ROPN1L: variants seen among roughly 807,000 people sequenced by gnomAD.
ROPN1L encodes rhophilin associated tail protein 1 like, also known as ropporin-1-like protein.
In ROPN1L, 23 loss-of-function variants were observed where a neutral mutation model predicts 22.7. The observed-to-expected ratio is 1.01, with a 90% confidence interval of 0.73 to 1.43. The LOEUF (loss-of-function observed/expected upper bound fraction) is 1.43. Ranked by LOEUF, ROPN1L falls within the 40% of genes most tolerant of loss-of-function variation. The pLI, the probability that ROPN1L is intolerant of heterozygous loss-of-function variation, is 0.00. For missense variants in ROPN1L, 271 were observed against 291.5 expected, an observed-to-expected ratio of 0.93 and a Z score of 0.51; for synonymous variants, 116 against 117.8, an observed-to-expected ratio of 0.98 and a Z score of 0.10.
intron 3 of ROPN1L, among the ~76,000 whole-genome samples, chr5:10,451,884 T>C (rs544551737): frequency 6.6e-6 from 1 of 152,316 alleles, no homozygotes; most frequent in South Asian, 2.1e-4. Flanking sequence ...CTTTTAATTA[T>C]TGGAGACATT....
At chr5:10,455,435 C>CA (rs1292372652) in intron 3 of ROPN1L, among the ~76,000 whole-genome samples, 42 of 152,300 alleles carry the variant, frequency 2.8e-4, no homozygotes, top group Admixed American at 1.2e-3. Context: ...TCCCTGAAGA[C>CA]GAAGGAGCCG....
chr5:10,455,353 G>T (rs115886553), intron 3 of ROPN1L, among the ~76,000 whole-genome samples: 1 of 152,202 alleles, frequency 6.6e-6, no homozygotes. Context: ...CCTGCAGCCC[G>T]TGAGAAGAAG....
At position 10,453,971 on chromosome 5, in the gene ROPN1L, A is replaced by G. The variant is rs550602918; in HGVS notation, c.417+3858A>G. Among the ~76,000 whole-genome samples, 431 of 152,304 alleles carry G rather than the reference A, an allele frequency of 2.8e-3. 1 individual carries two copies. The highest frequency in any genetic ancestry group is 0.014 in the Middle Eastern group (4 of 294). On this transcript the variant is annotated intron_variant, in intron 3 of 4. Coordinates refer to ENST00000274134, the MANE Select transcript of ROPN1L (RefSeq NM_031916.5). ...TGCTCTACTTATTACATCAAAAGCT[A>G]TCAATTCAGGTTAAGGGGCACTGTG...
chr5:10,459,831 G>A (rs946605057), intron 3 of ROPN1L, among the ~76,000 whole-genome samples: 1 of 152,202 alleles, frequency 6.6e-6, no homozygotes, highest in Non-Finnish European at 1.5e-5. Context: ...CCACTTGACT[G>A]TGATCTCCAC....
At chr5:10,479,893 C>A in the ROPN1L span, among the ~76,000 whole-genome samples, 1 of 152,060 alleles carries the variant, frequency 6.6e-6, no homozygotes, top group African/African-American at 2.4e-5. Flanking sequence ...TACAGGCATG[C>A]GCCACCACGC....
intron 1 of ROPN1L, among the ~76,000 whole-genome samples, chr5:10,445,165 T>G (rs756309566): frequency 2.7e-4 from 41 of 151,764 alleles, no homozygotes; most frequent in Non-Finnish European, 4.7e-4. Context: ...GAGACGGGGG[T>G]TTCACCATGT....
At position 10,459,345 on chromosome 5, in the gene ROPN1L, T is replaced by C. The variant is rs371024043; in HGVS notation, c.418-1839T>C. Among the ~76,000 whole-genome samples the C allele has an allele frequency of 9.1e-4, 133 of 146,592 alleles. 1 individual carries two copies. Among genetic ancestry groups the C allele is most frequent in the African/African-American group, 2.2e-3 (81 of 37,388 alleles). ...CCTTCCACCCTCATCACTGGGTTCC[T>C]GCCTTCCACCCTCATCACTGGGTTC... On this transcript the variant is annotated intron_variant, in intron 3 of 4. Coordinates refer to ENST00000274134, the MANE Select transcript of ROPN1L (RefSeq NM_031916.5).
intron 3 of ROPN1L, among the ~76,000 whole-genome samples, chr5:10,454,698 G>A (rs1037267159): frequency 2.6e-5 from 4 of 152,212 alleles, no homozygotes; most frequent in Non-Finnish European, 4.4e-5. Flanking sequence ...AGATGCACAC[G>A]TGTCTAACGC....
chr5:10,456,168 G>C (rs1741416153), intron 3 of ROPN1L, among the ~76,000 whole-genome samples: 1 of 152,220 alleles, frequency 6.6e-6, no homozygotes, highest in Non-Finnish European at 1.5e-5. Flanking sequence ...TCAGATTATG[G>C]ATCAGGTGTA....
Position 10,464,863 on chromosome 5 carries a change from C to T in ROPN1L, c.609C>T (p.Asn203=), listed in dbSNP as rs758399356. ...SLKENIDARK[N]GMIGLSDFFF... is the part of the protein sequence containing the mutation. Reference sequence around the variant, plus strand: ...TCCAATTTAGAGACGCCAGGAAGAACGGCATGATAGGTCTTTCAGATTTCT... The same window carrying T: ...TCCAATTTAGAGACGCCAGGAAGAATGGCATGATAGGTCTTTCAGATTTCT... Residue 203 remains asparagine, a synonymous_variant, in exon 5 of 5, where the codon AAC becomes AAT. Transcript: ENST00000274134. The T allele has an allele frequency of 1.1e-5, 17 of 1,597,800 alleles. No individual in the cohort carries two copies. The highest frequency in any genetic ancestry group is 9.0e-5 in the East Asian group (4 of 44,624).
intron 3 of ROPN1L, among the ~76,000 whole-genome samples, chr5:10,459,305 C>A (rs151062274): frequency 1.4e-4 from 21 of 146,472 alleles, no homozygotes; most frequent in African/African-American, 5.7e-4. Context: ...TTCCACCCTC[C>A]TCACCGGGTT....
In ROPN1L at chr5:10,461,240, C is replaced by T. The variant is rs539286998; in HGVS notation, c.474C>T (p.Gly158=). 3.5e-5 allele frequency: 56 copies of T among 1,614,102 alleles called. No individual in the cohort carries two copies. The highest frequency in any genetic ancestry group is 1.7e-4 in the Admixed American group (10 of 60,024). The part of the protein sequence containing the change: ...LCEILTDDPE[G]GPARIPFKTF... ...AGATCCTCACGGACGATCCGGAGGG[C>T]GGGCCCGCTCGCATCCCCTTCAAGA... Residue 158 remains glycine, a synonymous_variant, in exon 4 of 5, where the codon GGC becomes GGT. Coordinates refer to ENST00000274134, the MANE Select transcript of ROPN1L (RefSeq NM_031916.5).
intron 1 of ROPN1L, among the ~76,000 whole-genome samples, chr5:10,446,746 AT>A (rs1218500091): frequency 6.6e-6 from 1 of 151,704 alleles, no homozygotes; most frequent in Non-Finnish European, 1.5e-5. Context: ...GAGGAGCATT[AT>A]CCCCCACTGA....
the ROPN1L span, among the ~76,000 whole-genome samples, chr5:10,481,717 C>T: frequency 3.3e-5 from 5 of 152,186 alleles, no homozygotes; most frequent in East Asian, 1.9e-4. Flanking sequence ...TGGATGCTGC[C>T]GCGCAGTGAA....
the ROPN1L span, among the ~76,000 whole-genome samples, chr5:10,477,813 C>T: frequency 1.3e-5 from 2 of 152,040 alleles, no homozygotes; most frequent in Admixed American, 6.6e-5. Context: ...ACCTATAATC[C>T]CAGCTACTTG....
chr5:10,445,556 G>A (rs1251577005), intron 1 of ROPN1L, among the ~76,000 whole-genome samples: 1 of 152,076 alleles, frequency 6.6e-6, no homozygotes, highest in Non-Finnish European at 1.5e-5. Context: ...AGGAAGAAGG[G>A]GGTGGAGACA....
At chr5:10,465,957 G>C (rs1269454117), downstream of ROPN1L, among the ~76,000 whole-genome samples, 1 of 152,184 alleles carries the variant, frequency 6.6e-6, no homozygotes, top group East Asian at 1.9e-4. Flanking sequence ...GGCAGCTGAG[G>C]CTGCATCTTT....
At chr5:10,450,335 G>A (rs1436423515) in intron 3 of ROPN1L, among the ~76,000 whole-genome samples, 1 of 152,150 alleles carries the variant, frequency 6.6e-6, no homozygotes, top group African/African-American at 2.4e-5. Flanking sequence ...AATAGTAGAT[G>A]AAAGATATGG....
intron 4 of ROPN1L, among the ~76,000 whole-genome samples, chr5:10,471,162 A>G (rs1735239061): frequency 6.6e-6 from 1 of 151,914 alleles, no homozygotes; most frequent in South Asian, 2.1e-4. Context: ...TTTTGAGATG[A>G]AGTCTCACTC....
Sources: allele counts gnomAD v4.1 joint callset (sites outside exome capture counted in the v4.1 genomes callset), GRCh38; gene constraint gnomAD v4.1.1; transcripts MANE v1.5; gene names NCBI Gene and HGNC (gene_info 2026-07-23, HGNC 2026-07-21).